Variants in ASMTL observed in about 807,000 individuals in gnomAD.
ASMTL encodes acetylserotonin O-methyltransferase like, also known as probable bifunctional dTTP/UTP pyrophosphatase/methyltransferase protein.
A neutral mutation model predicts 60.3 loss-of-function variants in ASMTL; 57 were observed. That is an observed-to-expected ratio of 0.95 (90% CI 0.76 to 1.18). The LOEUF is 1.18. Ranked by LOEUF, ASMTL falls within the 50% of genes most tolerant of loss-of-function variation. The probability of loss-of-function intolerance (pLI) is 0.00; values close to 1 mark genes in which losing one functional copy is unlikely to be tolerated. For synonymous variants in ASMTL, 419 were observed against 373.0 expected (o/e 1.12, Z -1.42); for missense variants, 981 against 852.6 (o/e 1.15, Z -1.88).
rs190905918 is a variant in ASMTL, at chrX:1,406,612, G to A, written c.1646-3123C>T. 9.8e-4 allele frequency among the ~76,000 whole-genome samples: 147 copies of A among 149,978 alleles called. No individual in the cohort carries two copies. The East Asian group carries it at 0.025, about 26-fold the overall frequency. ...GATGTATGGGTGAATAGATAGGTAG[G>A]TAGGTAGATGGATGCATGGATGTGA... On this transcript the variant is annotated intron_variant, in intron 12 of 12. Coordinates refer to ENST00000381317, the MANE Select transcript of ASMTL (RefSeq NM_004192.4).
chrX:1,433,571 T>C (rs1336602836), intron 5 of ASMTL, among the ~76,000 whole-genome samples: 1 of 146,952 alleles, frequency 6.8e-6, no homozygotes, highest in African/African-American at 2.5e-5. Flanking sequence ...TCCCAGCTAC[T>C]CGGGAGGCTG....
intron 1 of ASMTL, among the ~76,000 whole-genome samples, chrX:1,450,827 G>A (rs1235706479): frequency 7.0e-6 from 1 of 142,950 alleles, no homozygotes; most frequent in Non-Finnish European, 1.5e-5. Flanking sequence ...ACATCCCTAG[G>A]CGGTACTGGA....
chrX:1,438,327 G>A (rs2091025180), intron 3 of ASMTL, among the ~76,000 whole-genome samples: 1 of 152,098 alleles, frequency 6.6e-6, no homozygotes, highest in Non-Finnish European at 1.5e-5. Context: ...ACACCCAGAG[G>A]GGAGAAGGCC....
chrX:1,416,009 GCA>G (rs1228208308), intron 11 of ASMTL, among the ~76,000 whole-genome samples: 117 of 141,806 alleles, frequency 8.3e-4, no homozygotes, highest in South Asian at 4.3e-3. Context: ...AGCAAGACAG[GCA>G]CACACACACA....
chrX:1,426,429 C>T (rs367993441), intron 7 of ASMTL, among the ~76,000 whole-genome samples: 2 of 152,132 alleles, frequency 1.3e-5, no homozygotes, highest in Non-Finnish European at 2.9e-5. Context: ...CCAAAGCCTG[C>T]GTCCCTCCTG....
intron 1 of ASMTL, among the ~76,000 whole-genome samples, chrX:1,442,818 C>T (rs765102063): frequency 7.9e-5 from 12 of 152,242 alleles, no homozygotes; most frequent in East Asian, 5.8e-4. Flanking sequence ...GAGACAACAC[C>T]GCCCCTGGGG....
intron 7 of ASMTL, 120 bp downstream of exon 7, chrX:1,427,614 T>C: frequency 1.8e-6 from 2 of 1,103,826 alleles, no homozygotes; most frequent in Non-Finnish European, 1.3e-6. Flanking sequence ...AGCATGGCCC[T>C]GAGACAACCT....
At chrX:1,432,813 A>T (rs1339638724) in intron 5 of ASMTL, among the ~76,000 whole-genome samples, 2 of 152,204 alleles carry the variant, frequency 1.3e-5, no homozygotes, top group East Asian at 3.8e-4. Flanking sequence ...TGGGCCACAG[A>T]GCGAGACTCC....
chrX:1,429,697 T>A (rs1339601398), intron 6 of ASMTL, among the ~76,000 whole-genome samples: 1 of 151,976 alleles, frequency 6.6e-6, no homozygotes, highest in African/African-American at 2.4e-5. Flanking sequence ...CTTGGGAAGC[T>A]GAGGCAGGAG....
intron 11 of ASMTL, among the ~76,000 whole-genome samples, chrX:1,414,688 A>C (rs781426897): frequency 4.5e-4 from 68 of 152,264 alleles, no homozygotes; most frequent in African/African-American, 1.1e-3. Flanking sequence ...AGCCTGGGTG[A>C]CAGAGCGAGA....
chrX:1,450,158 GC>G (rs1327125420), intron 1 of ASMTL, among the ~76,000 whole-genome samples: 5 of 150,098 alleles, frequency 3.3e-5, no homozygotes, highest in Non-Finnish European at 5.9e-5. Context: ...ATAACTATCC[GC>G]CTGTCACCAG....
chrX:1,430,232 G>T (rs1261373264), intron 6 of ASMTL, among the ~76,000 whole-genome samples: 4 of 152,050 alleles, frequency 2.6e-5, no homozygotes, highest in African/African-American at 9.7e-5. Flanking sequence ...GGCTGGTCTT[G>T]AACTTCTGAC....
At chrX:1,417,542 C>CAG (rs1410054967) in intron 11 of ASMTL, among the ~76,000 whole-genome samples, 1 of 106,808 alleles carries the variant, frequency 9.4e-6, no homozygotes, top group Non-Finnish European at 2.1e-5. Flanking sequence ...CACACATGCA[C>CAG]ACAGACACAC....
intron 11 of ASMTL, among the ~76,000 whole-genome samples, chrX:1,416,946 A>T (rs2090304291): frequency 6.6e-6 from 1 of 150,724 alleles, no homozygotes; most frequent in African/African-American, 2.4e-5. Flanking sequence ...GGACTCAGAC[A>T]CAGAGACATT....
intron 1 of ASMTL, among the ~76,000 whole-genome samples, chrX:1,448,148 T>C (rs113571666): frequency 0.037 from 5,283 of 142,838 alleles, 315 homozygotes; most frequent in African/African-American, 0.13. Context: ...CACACCGCCA[T>C]CTTGGATAAG....
chrX:1,452,976 A>C, upstream of ASMTL: 1 of 652,028 alleles, frequency 1.5e-6, no homozygotes, highest in Non-Finnish European at 2.4e-6. Context: ...CCGCGAGGCC[A>C]CGCCCAGTCC....
At chrX:1,440,292 G>A (rs1159346824) in intron 2 of ASMTL, among the ~76,000 whole-genome samples, 10 of 151,910 alleles carry the variant, frequency 6.6e-5, no homozygotes, top group African/African-American at 1.2e-4. Flanking sequence ...GGGTTTCACC[G>A]TGTGAGCCAG....
chrX:1,430,517 T>C (rs1444247432), intron 6 of ASMTL, among the ~76,000 whole-genome samples: 9 of 151,952 alleles, frequency 5.9e-5, no homozygotes, highest in African/African-American at 1.9e-4. Context: ...TGTCCTGTGG[T>C]CCCACCTACT....
chrX:1,444,405 C>T (rs2091190674), intron 1 of ASMTL, among the ~76,000 whole-genome samples: 1 of 152,038 alleles, frequency 6.6e-6, no homozygotes, highest in African/African-American at 2.4e-5. Context: ...GATGGGGTTT[C>T]ACCATGTTGG....
Sources: allele counts gnomAD v4.1 joint callset (sites outside exome capture counted in the v4.1 genomes callset), GRCh38; gene constraint gnomAD v4.1.1; transcripts MANE v1.5; gene names NCBI Gene and HGNC (gene_info 2026-07-23, HGNC 2026-07-21).